The following BNC2 variants were observed in gnomAD, a reference collection of about 807,000 sequenced individuals.
The protein encoded by BNC2 is basonuclin zinc finger protein 2, also known as zinc finger protein basonuclin-2.
Under a neutral mutation model 76.3 loss-of-function variants are expected in BNC2, and 20 were observed. The ratio of observed to expected loss-of-function variants is 0.26; its 90% confidence interval spans 0.18 to 0.38. The LOEUF (loss-of-function observed/expected upper bound fraction) is 0.38. Among genes scored for constraint, BNC2 ranks in the 10% least tolerant of loss-of-function variants. The pLI, the probability that BNC2 is intolerant of heterozygous loss-of-function variation, is 1.00. For missense variants in BNC2, 1,382 were observed against 1,399.8 expected (o/e 0.99, Z 0.20); for synonymous variants, 582 against 514.8 (o/e 1.13, Z -1.77).
intron 3 of BNC2, among the ~76,000 whole-genome samples, chr9:16,662,585 A>G (rs1187676473): frequency 2.6e-5 from 4 of 152,126 alleles, no homozygotes; most frequent in Non-Finnish European, 5.9e-5. Context: ...AACATACAAA[A>G]ATTAGCTGAA....
At chr9:16,824,473 T>A (rs1240269442) in intron 1 of BNC2, among the ~76,000 whole-genome samples, 2 of 152,184 alleles carry the variant, frequency 1.3e-5, no homozygotes, top group Non-Finnish European at 2.9e-5. Flanking sequence ...GGAAAGGCAC[T>A]TGCCTGTCCT....
At chr9:16,668,911 A>C (rs1029312453) in intron 3 of BNC2, among the ~76,000 whole-genome samples, 4 of 152,200 alleles carry the variant, frequency 2.6e-5, no homozygotes, top group Non-Finnish European at 5.9e-5. Context: ...ACAATCCATG[A>C]GATGCAAAGG....
At chr9:16,465,933 A>G (rs1038271593) in intron 5 of BNC2, among the ~76,000 whole-genome samples, 6 of 146,836 alleles carry the variant, frequency 4.1e-5, no homozygotes, top group Non-Finnish European at 6.0e-5. Flanking sequence ...AGAAAACCCC[A>G]TCGTCTCAGC....
At chr9:16,457,085 C>T (rs957291987) in intron 5 of BNC2, among the ~76,000 whole-genome samples, 2 of 152,056 alleles carry the variant, frequency 1.3e-5, no homozygotes, top group South Asian at 4.1e-4. Context: ...TAGTGGAGAA[C>T]AATAAATGAA....
chr9:16,544,565 C>T (rs1228539039), intron 5 of BNC2, among the ~76,000 whole-genome samples: 2 of 151,990 alleles, frequency 1.3e-5, no homozygotes, highest in Non-Finnish European at 1.5e-5. Flanking sequence ...TGCCTGTAAT[C>T]CCAGCATTTT....
intron 5 of BNC2, among the ~76,000 whole-genome samples, chr9:16,463,386 T>A (rs1436487144): frequency 8.0e-6 from 1 of 125,196 alleles, no homozygotes; most frequent in African/African-American, 3.6e-5. Flanking sequence ...AAGCTCCGCC[T>A]CCCGGGTTCA....
intron 3 of BNC2, among the ~76,000 whole-genome samples, chr9:16,665,386 A>AAGAGAC (rs1554702318): frequency 3.6e-5 from 3 of 84,302 alleles, no homozygotes; most frequent in Non-Finnish European, 4.2e-5. Flanking sequence ...AAAAAAAAAA[A>AAGAGAC]AGAGAGAGAG....
chr9:16,518,804 T>G (rs1587125372), intron 5 of BNC2, among the ~76,000 whole-genome samples: 1 of 152,268 alleles, frequency 6.6e-6, no homozygotes, highest in South Asian at 2.1e-4. Context: ...TTTCATCATG[T>G]TGGTCAGGCT....
intron 1 of BNC2, among the ~76,000 whole-genome samples, chr9:16,751,962 G>A (rs1188066874): frequency 6.6e-6 from 1 of 152,082 alleles, no homozygotes. Flanking sequence ...CCGGGAGGCA[G>A]AGGTTGCAGT....
Position 16,437,017 on chromosome 9 carries a change from C to A in BNC2, c.1177G>T (p.Val393Leu), listed in dbSNP as rs1322735478. The A allele has an allele frequency of 1.2e-6, 2 of 1,614,000 alleles. No homozygotes were observed. The highest frequency in any genetic ancestry group is 1.3e-5 in the African/African-American group (1 of 74,888). Residue 393 changes from valine (V) to leucine (L), a missense_variant, in exon 6 of 7, where the codon GTG becomes TTG. Transcript: ENST00000380672. ...NRNALTSITN[V>L]EPKTEPACVS... ...CAGGCTGGCTCGGTTTTGGGCTCCA[C>A]ATTAGTAATGCTGGTCAGGGCATTT...
At position 16,514,833 on chromosome 9, in the gene BNC2, G is replaced by A. The variant is rs149406544; in HGVS notation, c.669+37697C>T. 3.4e-3 allele frequency among the ~76,000 whole-genome samples: 522 copies of A among 152,302 alleles called. 2 individuals carry two copies. The highest frequency in any genetic ancestry group is 0.014 in the Middle Eastern group (4 of 294). On this transcript the variant is annotated intron_variant, in intron 5 of 6. Transcript: ENST00000380672. The stretch of plus-strand genomic sequence containing the variant: ...CACTTTCACATGGAGAGAGAAATAA[G>A]TAGTTGTCAACAAAACCATTTCTTT...
At chr9:16,497,765 A>G (rs923554894) in intron 5 of BNC2, among the ~76,000 whole-genome samples, 1 of 152,180 alleles carries the variant, frequency 6.6e-6, no homozygotes, top group East Asian at 1.9e-4. Context: ...ACATCCACCA[A>G]CATAAAGGAC....
rs148889135 is a variant in BNC2 at position 16,635,979 on chromosome 9, GGTTT to G, written c.331-52898_331-52895del. ...GAACAGGGGATACATTAAGAGGGTT[GGTTT>G]GTTTGTTTTATTAATATTCAGAAAC... On this transcript the variant is annotated intron_variant, in intron 3 of 6. Coordinates refer to ENST00000380672, the MANE Select transcript of BNC2 (RefSeq NM_017637.6). Among the ~76,000 whole-genome samples, 1,316 of 152,032 alleles carry G rather than the reference GGTTT, an allele frequency of 8.7e-3. 9 individuals are homozygous for G. Among genetic ancestry groups the G allele is most frequent in the Non-Finnish European group, 0.014 (926 of 67,952 alleles).
chr9:16,417,883 G>C lies in BNC2; in HGVS notation c.*1106C>G, dbSNP rs1192911688. 2 of 152,652 alleles carry C rather than the reference G, an allele frequency of 1.3e-5. No homozygotes were observed. Among genetic ancestry groups the C allele is most frequent in the African/African-American group, 2.4e-5 (1 of 41,448 alleles). 9.5% of individuals were successfully genotyped at this position (152,652 alleles called of 1,614,324 possible). On this transcript the variant is annotated 3_prime_UTR_variant, in exon 7 of 7. Coordinates refer to ENST00000380672, the MANE Select transcript of BNC2 (RefSeq NM_017637.6). ...TTGATTCTAATAACATTCGGCACTT[G>C]AAAGAATCACCAAGTGTTTTTTTAA...
At chr9:16,755,015 A>G (rs914294001) in intron 1 of BNC2, among the ~76,000 whole-genome samples, 2 of 152,150 alleles carry the variant, frequency 1.3e-5, no homozygotes, top group African/African-American at 4.8e-5. Flanking sequence ...GCCATTCTCC[A>G]CATATTGCCC....
chr9:16,856,154 C>T (rs1051586847), intron 1 of BNC2, among the ~76,000 whole-genome samples: 7 of 152,010 alleles, frequency 4.6e-5, no homozygotes, highest in Non-Finnish European at 8.8e-5. Flanking sequence ...CCCTTCCCCT[C>T]CAAAAAAATT....
At chr9:16,458,199 T>G (rs2131182835) in intron 5 of BNC2, among the ~76,000 whole-genome samples, 1 of 148,878 alleles carries the variant, frequency 6.7e-6, no homozygotes, top group East Asian at 2.0e-4. Context: ...AGATTAAGGC[T>G]CATGGAAGCC....
At chr9:16,453,750 G>C (rs908571400) in intron 5 of BNC2, among the ~76,000 whole-genome samples, 11 of 152,212 alleles carry the variant, frequency 7.2e-5, no homozygotes, top group Admixed American at 6.5e-4. Flanking sequence ...CCCAGAGGCA[G>C]AGGTTGCAGT....
intron 1 of BNC2, among the ~76,000 whole-genome samples, chr9:16,755,392 T>C (rs1825352276): frequency 6.6e-6 from 1 of 152,116 alleles, no homozygotes; most frequent in African/African-American, 2.4e-5. Flanking sequence ...GGAGTCTAGA[T>C]TACAAGAGTA....
Sources: gnomAD v4.1 joint callset for allele counts (sites outside exome capture counted in the v4.1 genomes callset) on GRCh38, gnomAD v4.1.1 for gene constraint, MANE v1.5 for transcripts, NCBI Gene and HGNC (gene_info 2026-07-23, HGNC 2026-07-21) for gene names.